FAM184A: variants seen among roughly 807,000 people sequenced by gnomAD.
FAM184A encodes protein FAM184A.
Under a neutral mutation model 143.8 loss-of-function variants are expected in FAM184A, and 99 were observed. The observed-to-expected ratio is 0.69, with a 90% CI of 0.58 to 0.81. The LOEUF is 0.81. Ranked by LOEUF, FAM184A falls within the 40% of genes least tolerant of loss-of-function variation. FAM184A has a pLI of 0.00. For synonymous variants in FAM184A, 427 were observed against 446.4 expected (o/e 0.96, Z 0.55); for missense variants, 1,217 against 1,310.5 (o/e 0.93, Z 1.10).
intron 1 of FAM184A, among the ~76,000 whole-genome samples, chr6:119,126,435 C>A (rs1789367870): frequency 6.6e-6 from 1 of 152,228 alleles, no homozygotes; most frequent in African/African-American, 2.4e-5. Context: ...CTGGAGCTAG[C>A]TAGCTGCTTT....
intron 1 of FAM184A, among the ~76,000 whole-genome samples, chr6:119,139,456 C>T (rs1772134986): frequency 6.6e-6 from 1 of 152,088 alleles, no homozygotes; most frequent in South Asian, 2.1e-4. Context: ...AGGAAGATTT[C>T]CTACCTACAG....
At chr6:119,126,216 C>A (rs1234828330) in intron 1 of FAM184A, among the ~76,000 whole-genome samples, 1 of 152,208 alleles carries the variant, frequency 6.6e-6, no homozygotes, top group East Asian at 1.9e-4. Context: ...CCACTGTTCC[C>A]TACCATGTGG....
chr6:119,045,504 A>G (rs868057979), intron 1 of FAM184A, among the ~76,000 whole-genome samples: 1 of 152,090 alleles, frequency 6.6e-6, no homozygotes, highest in South Asian at 2.1e-4. Context: ...TGGAGAAAAA[A>G]TCACCCACAA....
intron 1 of FAM184A, among the ~76,000 whole-genome samples, chr6:119,049,556 C>T (rs1786667538): frequency 6.6e-6 from 1 of 152,122 alleles, no homozygotes; most frequent in South Asian, 2.1e-4. Context: ...TAATCTTTGA[C>T]AAAGCTGACA....
chr6:119,148,406 T>A lies in FAM184A; in HGVS notation c.-202+672A>T, dbSNP rs557727575. 9.2e-5 allele frequency among the ~76,000 whole-genome samples: 14 copies of A among 152,300 alleles called. No individual in the cohort carries two copies. The South Asian group carries it at 2.7e-3, about 29-fold the overall frequency. On this transcript the variant is annotated intron_variant, in intron 1 of 16. Coordinates refer to the FAM184A transcript ENST00000352896. ...GCCACATTCTTCTCAGTGATGAAAG[T>A]GTTGCGTATGAACCCAAGCCCACTA...
intron 1 of FAM184A, among the ~76,000 whole-genome samples, chr6:119,125,614 C>A (rs767925654): frequency 1.3e-5 from 2 of 152,186 alleles, no homozygotes; most frequent in Non-Finnish European, 2.9e-5. Context: ...GACGGACACA[C>A]CAATTTGCAT....
At chr6:118,997,897 A>G (rs1784622017) in intron 9 of FAM184A, among the ~76,000 whole-genome samples, 1 of 152,208 alleles carries the variant, frequency 6.6e-6, no homozygotes, top group Admixed American at 6.5e-5. Flanking sequence ...CATATTGGAT[A>G]GCATTGGTCT....
intron 1 of FAM184A, among the ~76,000 whole-genome samples, chr6:119,109,578 A>C (rs1315979063): frequency 6.6e-6 from 1 of 152,220 alleles, no homozygotes; most frequent in African/African-American, 2.4e-5. Flanking sequence ...TCTCACTAAA[A>C]AGATATGGAT....
In FAM184A at chr6:119,033,990, C is replaced by CA. The variant is rs59719185; in HGVS notation, c.160-9178dup. ...TGAGTGACAGAGTGAGACTCTGTCTCAAAAAAAAAAAAAAAAAAAAAAAAA... is the reference window on the plus strand; with the variant it reads ...TGAGTGACAGAGTGAGACTCTGTCTCAAAAAAAAAAAAAAAAAAAAAAAAAA... On this transcript the variant is annotated intron_variant, in intron 1 of 17. Coordinates refer to ENST00000338891, the MANE Select transcript of FAM184A (RefSeq NM_024581.6). Among the ~76,000 whole-genome samples the CA allele has an allele frequency of 2.1e-3, 36 of 17,392 alleles. 8 individuals are homozygous for CA. In the East Asian group the frequency reaches 0.021, roughly 10 times the overall value. The allele number at this position is 17,392 out of a possible 152,430, so 11.4% of individuals were successfully genotyped here. A position where few individuals can be genotyped will look rare whatever the true frequency, so the allele number is the denominator to read the frequency against.
At chr6:119,018,065 A>G (rs1286768306) in intron 4 of FAM184A, among the ~76,000 whole-genome samples, 1 of 152,204 alleles carries the variant, frequency 6.6e-6, no homozygotes, top group African/African-American at 2.4e-5. Flanking sequence ...TCTTCTCTTC[A>G]TAAATTACCC....
At chr6:119,125,675 C>T (rs1292443591) in intron 1 of FAM184A, among the ~76,000 whole-genome samples, 2 of 152,170 alleles carry the variant, frequency 1.3e-5, no homozygotes, top group Non-Finnish European at 2.9e-5. Context: ...CTAAACTTTG[C>T]AGCCACAACT....
At chr6:118,981,030 A>C (rs1392907870) in intron 9 of FAM184A, among the ~76,000 whole-genome samples, 1 of 152,218 alleles carries the variant, frequency 6.6e-6, no homozygotes, top group Non-Finnish European at 1.5e-5. Flanking sequence ...CAAACGTCCC[A>C]CAATCTTTTA....
At chr6:119,100,300 A>G (rs536211065) in intron 1 of FAM184A, among the ~76,000 whole-genome samples, 2 of 152,334 alleles carry the variant, frequency 1.3e-5, no homozygotes, top group African/African-American at 2.4e-5. Flanking sequence ...TGCAATGTAC[A>G]GGTTACTGCC....
At chr6:119,027,862 G>C (rs1270998819) in intron 1 of FAM184A, among the ~76,000 whole-genome samples, 2 of 152,286 alleles carry the variant, frequency 1.3e-5, no homozygotes, top group East Asian at 1.9e-4. Context: ...GGAACTTAGA[G>C]AAAGTCATTC....
chr6:118,995,525 A>G (rs961167331), intron 9 of FAM184A, among the ~76,000 whole-genome samples: 1 of 152,248 alleles, frequency 6.6e-6, no homozygotes, highest in Non-Finnish European at 1.5e-5. Flanking sequence ...AAGTATACTA[A>G]TATCTAGAGG....
At chr6:119,037,816 CA>C (rs1786168997) in intron 1 of FAM184A, among the ~76,000 whole-genome samples, 1 of 152,006 alleles carries the variant, frequency 6.6e-6, no homozygotes, top group Admixed American at 6.6e-5. Context: ...AAAATGAAGT[CA>C]AAAACTACCT....
chr6:118,967,578 G>C, intron 14 of FAM184A, among the ~76,000 whole-genome samples: 1 of 152,160 alleles, frequency 6.6e-6, no homozygotes, highest in Non-Finnish European at 1.5e-5. Context: ...TGAATGATAT[G>C]AGGTGGTAAT....
At chr6:118,992,614 AGAATCCAGAACTGT>A (rs1232888678) in intron 9 of FAM184A, among the ~76,000 whole-genome samples, 1 of 152,228 alleles carries the variant, frequency 6.6e-6, no homozygotes, top group Non-Finnish European at 1.5e-5. Flanking sequence ...TGGACTTCCC[AGAATCCAGAACTGT>A]GAGAAATGAA....
At position 118,961,848 on chromosome 6, in the gene FAM184A, G is replaced by A. The variant is rs1783336359; in HGVS notation, c.3254C>T (p.Pro1085Leu). 2 of 1,613,884 alleles carry A rather than the reference G, an allele frequency of 1.2e-6. No homozygotes were observed. Among genetic ancestry groups the A allele is most frequent in the Non-Finnish European group, 1.7e-6 (2 of 1,179,858 alleles). Residue 1085 changes from proline to leucine, a missense_variant, in exon 17 of 18, where the codon CCT (proline) becomes CTT (leucine). Coordinates refer to ENST00000338891, the MANE Select transcript of FAM184A (RefSeq NM_024581.6). ...CTCAATATCGTGGACTGGAGAATTA[G>A]GAATGGGATCCAGGCGGTTAGGATG... ...NGHPNRLDPI[P>L]NSPVHDIEFN...
Sources: allele counts gnomAD v4.1 joint callset (sites outside exome capture counted in the v4.1 genomes callset), GRCh38; gene constraint gnomAD v4.1.1; transcripts MANE v1.5; gene names NCBI Gene and HGNC (gene_info 2026-07-23, HGNC 2026-07-21).